The following SCUBE1 variants were observed in gnomAD, a reference collection of about 807,000 sequenced individuals.
SCUBE1 encodes signal peptide, CUB domain and EGF like domain containing 1.
A neutral mutation model predicts 124.4 loss-of-function variants in SCUBE1; 59 were observed. The ratio of observed to expected loss-of-function variants is 0.47; its 90% confidence interval spans 0.38 to 0.59. The LOEUF is 0.59. SCUBE1 is among the 20% of genes least tolerant of loss of function. The probability of loss-of-function intolerance (pLI) is 0.00; values close to 1 mark genes in which losing one functional copy is unlikely to be tolerated. For missense variants in SCUBE1, 1,150 were observed against 1,371.2 expected, an observed-to-expected ratio of 0.84 and a Z score of 2.55; for synonymous variants, 545 against 550.9, an observed-to-expected ratio of 0.99 and a Z score of 0.15.
At chr22:43,292,423 CA>C (rs1213225824) in intron 3 of SCUBE1, among the ~76,000 whole-genome samples, 5 of 152,152 alleles carry the variant, frequency 3.3e-5, no homozygotes, top group African/African-American at 1.2e-4. Flanking sequence ...CCTGCTCTGT[CA>C]GTTTGTTTAA....
At chr22:43,302,352 CAG>C (rs901743663) in intron 3 of SCUBE1, among the ~76,000 whole-genome samples, 7 of 152,192 alleles carry the variant, frequency 4.6e-5, no homozygotes, top group Non-Finnish European at 8.8e-5. Flanking sequence ...TTGAGCTGGG[CAG>C]AGTTTCAGGA....
rs368435459 is a variant in SCUBE1, at chr22:43,207,622, C to T, written c.2735-9G>A. 40 of 1,612,044 alleles carry T rather than the reference C, an allele frequency of 2.5e-5. No homozygotes were observed. The highest frequency in any genetic ancestry group is 3.2e-5 in the Non-Finnish European group (38 of 1,178,420). ...GAGTTGCTGGTAGTCCTCTGGGCAG[C>T]GGGTCAGCAGGGGGAGAGGAAGGCG... On this transcript the variant is annotated splice_polypyrimidine_tract_variant and intron_variant, in intron 20 of 21. Coordinates refer to ENST00000360835, the MANE Select transcript of SCUBE1 (RefSeq NM_173050.5).
chr22:43,288,740 C>T (rs1346171332), intron 4 of SCUBE1, among the ~76,000 whole-genome samples: 1 of 152,242 alleles, frequency 6.6e-6, no homozygotes, highest in East Asian at 1.9e-4. Flanking sequence ...CTGGCTCTGC[C>T]TCTTCCCTAA....
At position 43,203,989 on chromosome 22, in the gene SCUBE1, C is replaced by G; in HGVS notation, c.*8G>C. ...CAGGCCACCCCCAGGCAGGGCCGCT[C>G]CCCCCGGTTATTTGTAGGGCCGCAG... On this transcript the variant is annotated 3_prime_UTR_variant, in exon 22 of 22. Transcript: ENST00000360835. 1.2e-6 allele frequency: 2 copies of G among 1,613,178 alleles called. No homozygotes were observed. The highest frequency in any genetic ancestry group is 1.7e-6 in the Non-Finnish European group (2 of 1,179,428).
intron 10 of SCUBE1, among the ~76,000 whole-genome samples, chr22:43,225,196 C>T (rs757941886): frequency 6.6e-6 from 1 of 152,026 alleles, no homozygotes; most frequent in Non-Finnish European, 1.5e-5. Context: ...ATCACCCCCC[C>T]ACTCCTGCCC....
At chr22:43,317,234 G>A (rs972779794) in intron 3 of SCUBE1, 1 of 152,348 alleles carries the variant, frequency 6.6e-6, no homozygotes, top group East Asian at 1.9e-4. Context: ...AGGCAGCCGA[G>A]TCAGCTGGAG....
chr22:43,328,537 T>C (rs1252356598), intron 2 of SCUBE1, among the ~76,000 whole-genome samples: 1 of 152,038 alleles, frequency 6.6e-6, no homozygotes, highest in Non-Finnish European at 1.5e-5. Context: ...GCCCTTAGAA[T>C]TGGTAAGCTG....
chr22:43,334,193 T>C (rs1294013346), intron 2 of SCUBE1, among the ~76,000 whole-genome samples: 2 of 152,216 alleles, frequency 1.3e-5, no homozygotes, highest in Admixed American at 1.3e-4. Context: ...TAATTGATTA[T>C]TAATGTCTGC....
At chr22:43,339,742 T>TTGCTCC in intron 1 of SCUBE1, among the ~76,000 whole-genome samples, 2 of 72,996 alleles carry the variant, frequency 2.7e-5, no homozygotes, top group African/African-American at 5.1e-5. Context: ...CCCACAAGCA[T>TTGCTCC]AGCTCCAACC....
chr22:43,298,733 A>G lies in SCUBE1; in HGVS notation c.350-7553T>C, dbSNP rs532580266. 5.9e-5 allele frequency among the ~76,000 whole-genome samples: 9 copies of G among 152,302 alleles called. 1 individual carries two copies. The South Asian group carries it at 1.7e-3, about 28-fold the overall frequency. On this transcript the variant is annotated intron_variant, in intron 3 of 21. Transcript: ENST00000360835. The stretch of plus-strand genomic sequence containing the variant: ...GCCCATGGGACCTGGCTGTTGCTCT[A>G]CAAGTCATACCAGATGGAGTACAAG...
chr22:43,265,207 C>T (rs1309083498), intron 4 of SCUBE1, among the ~76,000 whole-genome samples: 2 of 152,198 alleles, frequency 1.3e-5, no homozygotes, highest in Admixed American at 6.5e-5. Context: ...AGTTTTCTCC[C>T]TCGTCGTGGA....
At chr22:43,307,676 A>C (rs1031673191) in intron 3 of SCUBE1, among the ~76,000 whole-genome samples, 7 of 152,176 alleles carry the variant, frequency 4.6e-5, no homozygotes, top group African/African-American at 1.7e-4. Context: ...TGGGGAGCAG[A>C]GCTCTAACTG....
At chr22:43,252,177 G>A (rs986394918) in intron 6 of SCUBE1, among the ~76,000 whole-genome samples, 6 of 152,196 alleles carry the variant, frequency 3.9e-5, no homozygotes, top group Non-Finnish European at 8.8e-5. Context: ...CAATTGCTGG[G>A]TGCAGCCGAG....
At position 43,258,070 on chromosome 22, in the gene SCUBE1, G is replaced by C; in HGVS notation, c.727+149C>G. 2 of 660,404 alleles carry C rather than the reference G, an allele frequency of 3.0e-6. No homozygotes were observed. The highest frequency in any genetic ancestry group is 2.7e-6 in the Non-Finnish European group (1 of 371,214). 40.9% of individuals were successfully genotyped at this position (660,404 alleles called of 1,614,324 possible). A position where few individuals can be genotyped will look rare whatever the true frequency, so the allele number is the denominator to read the frequency against. On this transcript the variant is annotated intron_variant, in intron 6 of 21. Coordinates refer to ENST00000360835, the MANE Select transcript of SCUBE1 (RefSeq NM_173050.5). The surrounding 1 kb of genome is among the most constrained non-coding windows in gnomAD (Gnocchi z 5.0). ...CTCCCCAGGGGCGCCGGCCATCCCC[G>C]CCATTGCCATGGGCTTGCCTTTCCT...
intron 4 of SCUBE1, among the ~76,000 whole-genome samples, chr22:43,284,748 AATC>A (rs1225053155): frequency 6.9e-6 from 1 of 145,570 alleles, no homozygotes; most frequent in African/African-American, 2.5e-5. Flanking sequence ...CAGCTCTTGC[AATC>A]ATCATCGTCA....
At chr22:43,338,994 G>T in intron 2 of SCUBE1, 110 bp downstream of exon 2, 1 of 1,284,930 alleles carries the variant, frequency 7.8e-7, no homozygotes, top group Non-Finnish European at 1.1e-6. Flanking sequence ...CAACCACAAT[G>T]GTGGTGCTGG....
intron 3 of SCUBE1, among the ~76,000 whole-genome samples, chr22:43,296,257 C>T (rs1267610833): frequency 6.6e-6 from 1 of 152,220 alleles, no homozygotes. Context: ...AACATTTGTG[C>T]AGCCTGACAC....
At position 43,326,523 on chromosome 22, in the gene SCUBE1, G is replaced by A. The variant is rs969431310; in HGVS notation, c.221-6458C>T. Among the ~76,000 whole-genome samples, 10 of 152,088 alleles carry A rather than the reference G, an allele frequency of 6.6e-5. No homozygotes were observed. The South Asian group carries it at 1.2e-3, about 19-fold the overall frequency. On this transcript the variant is annotated intron_variant, in intron 2 of 21. Transcript: ENST00000360835. ...GTTTGTAATGACTGAGTAATGAGACGCGCTCTCTGAGGGCCCCTGGCATCC... is the reference window on the plus strand; with the variant it reads ...GTTTGTAATGACTGAGTAATGAGACACGCTCTCTGAGGGCCCCTGGCATCC...
chr22:43,229,664 A>AG (rs1407179669), intron 8 of SCUBE1, among the ~76,000 whole-genome samples: 1 of 152,230 alleles, frequency 6.6e-6, no homozygotes, highest in African/African-American at 2.4e-5. Flanking sequence ...TGAGAAAATA[A>AG]GGAAAACCAC....
Sources: allele counts gnomAD v4.1 joint callset (sites outside exome capture counted in the v4.1 genomes callset), GRCh38; gene constraint gnomAD v4.1.1; non-coding constraint Gnocchi (gnomAD v3.1); transcripts MANE v1.5; gene names NCBI Gene and HGNC (gene_info 2026-07-23, HGNC 2026-07-21).